The following RNF216 variants were observed in gnomAD, a reference collection of about 807,000 sequenced individuals.
RNF216 encodes ring finger protein 216, also known as E3 ubiquitin-protein ligase RNF216.
A neutral mutation model predicts 110.8 loss-of-function variants in RNF216; 72 were observed. That is an observed-to-expected ratio of 0.65 (90% CI 0.54 to 0.79). The LOEUF (loss-of-function observed/expected upper bound fraction) is 0.79, where lower values mean the gene tolerates loss of function less well. Ranked by LOEUF, RNF216 falls within the 30% of genes least tolerant of loss-of-function variation. RNF216 has a pLI of 0.00. For missense variants in RNF216, 1,342 were observed against 1,141.2 expected (o/e 1.18, Z -2.54); for synonymous variants, 495 against 407.5 (o/e 1.21, Z -2.59).
chr7:5,635,054 G>C (rs907098871), intron 15 of RNF216, among the ~76,000 whole-genome samples: 4 of 152,146 alleles, frequency 2.6e-5, no homozygotes, highest in African/African-American at 7.2e-5. Flanking sequence ...ACACTGGTTG[G>C]AAGACCTGGG....
At chr7:5,771,092 C>T (rs1415582940) in intron 1 of RNF216, among the ~76,000 whole-genome samples, 2 of 152,126 alleles carry the variant, frequency 1.3e-5, no homozygotes, top group African/African-American at 4.8e-5. Flanking sequence ...AGGCGTGAGC[C>T]ACCACACCTG....
intron 1 of RNF216, among the ~76,000 whole-genome samples, chr7:5,775,656 G>C (rs991184669): frequency 2.6e-5 from 4 of 151,898 alleles, no homozygotes; most frequent in Non-Finnish European, 4.4e-5. Context: ...GATTATTTGA[G>C]GTCAGGAGTT....
chr7:5,769,491 G>A (rs1419134039), intron 1 of RNF216, among the ~76,000 whole-genome samples: 1 of 151,968 alleles, frequency 6.6e-6, no homozygotes, highest in Non-Finnish European at 1.5e-5. Context: ...GGGAGTCTGA[G>A]GTGGGCGGAC....
At chr7:5,646,110 T>C (rs766983712) in intron 14 of RNF216, among the ~76,000 whole-genome samples, 5 of 152,216 alleles carry the variant, frequency 3.3e-5, no homozygotes, top group Non-Finnish European at 7.3e-5. Flanking sequence ...TTATAAATTA[T>C]TGTTGAAAAC....
At position 5,620,342 on chromosome 7, in the gene RNF216, C is replaced by A. The variant is rs564760360; in HGVS notation, c.*2518G>T. On this transcript the variant is annotated 3_prime_UTR_variant, in exon 17 of 17. Transcript: ENST00000389902. ...ACGCCCTGCGGCAAGCCCTGCAGGG[C>A]AGAGAGAGGGAGCCAGCTGCCTCAG... 1 of 152,342 alleles carries A rather than the reference C, an allele frequency of 6.6e-6. No individual in the cohort carries two copies. Among genetic ancestry groups the A allele is most frequent in the Admixed American group, 6.5e-5 (1 of 15,298 alleles). 9.4% of individuals were successfully genotyped at this position (152,342 alleles called of 1,614,324 possible).
At chr7:5,672,634 C>T (rs1255689590) in intron 13 of RNF216, among the ~76,000 whole-genome samples, 1 of 152,070 alleles carries the variant, frequency 6.6e-6, no homozygotes, top group African/African-American at 2.4e-5. Flanking sequence ...TTGCTGGTAC[C>T]CGACGATAAA....
chr7:5,631,337 C>G (rs1053845104), intron 15 of RNF216, among the ~76,000 whole-genome samples: 1 of 152,140 alleles, frequency 6.6e-6, no homozygotes, highest in African/African-American at 2.4e-5. Flanking sequence ...ATTCCTCTTG[C>G]CCAGAGTGGG....
rs758158390 is a variant in RNF216, at chr7:5,740,988, T to C, written c.1029A>G (p.Leu343=). ...AAEVDQELVE[L]LVKETEARFP... ...TAAAACTTACCGTTTCTTTCACTAG[T>C]AGTTCAACGAGCTCTTGATCTACCT... The change falls in exon 4 of 17, where the codon CTA becomes CTG. Residue 343 remains leucine, a synonymous_variant. Coordinates refer to ENST00000389902, the MANE Select transcript of RNF216 (RefSeq NM_207111.4). 4 of 1,603,346 alleles carry C rather than the reference T, an allele frequency of 2.5e-6. No individual in the cohort carries two copies. The highest frequency in any genetic ancestry group is 1.8e-5 in the Admixed American group (1 of 57,074).
intron 13 of RNF216, among the ~76,000 whole-genome samples, chr7:5,691,153 C>G (rs925711770): frequency 6.6e-6 from 1 of 151,902 alleles, no homozygotes. Flanking sequence ...AGACGGTGAG[C>G]CTGGGTGATC....
At chr7:5,653,812 C>A (rs1206365384) in intron 13 of RNF216, among the ~76,000 whole-genome samples, 2 of 151,658 alleles carry the variant, frequency 1.3e-5, no homozygotes, top group Non-Finnish European at 2.9e-5. Context: ...ATGAATAGGG[C>A]GGCGAAAACA....
chr7:5,763,906 C>A (rs116158225), intron 1 of RNF216, among the ~76,000 whole-genome samples: 4 of 152,158 alleles, frequency 2.6e-5, no homozygotes, highest in East Asian at 3.9e-4. Flanking sequence ...ATAAAACAGA[C>A]GGCAGGGCAC....
intron 1 of RNF216, among the ~76,000 whole-genome samples, chr7:5,766,027 A>G (rs147941428): frequency 0.011 from 1,671 of 151,786 alleles, 20 homozygotes; most frequent in Non-Finnish European, 0.013. Context: ...CTTGTAATCC[A>G]GGAAACCAAT....
chr7:5,754,194 T>C (rs1380842140), intron 2 of RNF216, among the ~76,000 whole-genome samples: 3 of 149,248 alleles, frequency 2.0e-5, no homozygotes, highest in African/African-American at 7.4e-5. Context: ...CTTGCTCTAT[T>C]GCCCAGACTG....
chr7:5,757,255 T>G (rs1190510631), intron 2 of RNF216, among the ~76,000 whole-genome samples: 1 of 152,192 alleles, frequency 6.6e-6, no homozygotes, highest in Non-Finnish European at 1.5e-5. Flanking sequence ...ATCTGCCAAT[T>G]TTTGCTTTGT....
At chr7:5,754,760 G>A (rs1281184664) in intron 2 of RNF216, among the ~76,000 whole-genome samples, 1 of 152,144 alleles carries the variant, frequency 6.6e-6, no homozygotes, top group East Asian at 1.9e-4. Context: ...GGGCACGGTG[G>A]CTCACGCCTG....
chr7:5,627,199 G>A (rs1463744529), intron 15 of RNF216, among the ~76,000 whole-genome samples: 6 of 152,168 alleles, frequency 3.9e-5, no homozygotes, highest in Non-Finnish European at 7.4e-5. Context: ...GCTAGTTGGC[G>A]GTAAACTGGG....
rs1464289418 is a variant in RNF216 at position 5,752,452 on chromosome 7, A to G, written c.201+394T>C. On this transcript the variant is annotated intron_variant, in intron 3 of 16. Coordinates refer to ENST00000389902, the MANE Select transcript of RNF216 (RefSeq NM_207111.4). ...TGGATTACGCAAACTGATTATATAT[A>G]TATCTTTATATTTTGGAACTAAAGA... Among the ~76,000 whole-genome samples, 12 of 152,200 alleles carry G rather than the reference A, an allele frequency of 7.9e-5. No individual in the cohort carries two copies. The East Asian group carries it at 2.1e-3, about 27-fold the overall frequency.
At chr7:5,651,889 C>T (rs987393530) in intron 14 of RNF216, among the ~76,000 whole-genome samples, 3 of 152,038 alleles carry the variant, frequency 2.0e-5, no homozygotes, top group Admixed American at 6.6e-5. Context: ...CCTCGTGATC[C>T]GCCAGCCTCG....
chr7:5,644,747 T>G (rs1433854350), intron 14 of RNF216, among the ~76,000 whole-genome samples: 1 of 152,110 alleles, frequency 6.6e-6, no homozygotes, highest in Non-Finnish European at 1.5e-5. Flanking sequence ...TTAAGCTATC[T>G]GCCCGACCTT....
Sources: allele counts gnomAD v4.1 joint callset (sites outside exome capture counted in the v4.1 genomes callset), GRCh38; gene constraint gnomAD v4.1.1; transcripts MANE v1.5; gene names NCBI Gene and HGNC (gene_info 2026-07-23, HGNC 2026-07-21).